Variants in SLC12A7 observed in about 807,000 individuals in gnomAD.
SLC12A7 encodes K-Cl cotransporter 4.
In SLC12A7, 100 loss-of-function variants were observed where a neutral mutation model predicts 120.6. The ratio of observed to expected loss-of-function variants is 0.83; its 90% CI spans 0.71 to 0.98. SLC12A7 has a LOEUF of 0.98. Among genes scored for constraint, SLC12A7 ranks in the 50% least tolerant of loss-of-function variants. SLC12A7 has a pLI of 0.00. For missense variants in SLC12A7, 1,373 were observed against 1,548.1 expected (o/e 0.89, Z 1.90); for synonymous variants, 760 against 678.0 (o/e 1.12, Z -1.88).
intron 8 of SLC12A7, 46 bp downstream of exon 8, chr5:1,083,699 T>C: frequency 1.3e-6 from 2 of 1,590,508 alleles, no homozygotes; most frequent in East Asian, 2.2e-5. Context: ...CAGCGCCTGC[T>C]GCCCCCGCCA....
At chr5:1,155,589 A>G in the SLC12A7 span, among the ~76,000 whole-genome samples, 1 of 150,952 alleles carries the variant, frequency 6.6e-6, no homozygotes, top group South Asian at 2.1e-4. Flanking sequence ...CCCCGGGCTG[A>G]CCGGGAGCCC....
chr5:1,088,917 G>A (rs1382349144), intron 4 of SLC12A7, 65 bp downstream of exon 4: 1 of 1,594,254 alleles, frequency 6.3e-7, no homozygotes, highest in Non-Finnish European at 8.6e-7. Context: ...GGCATCTGGG[G>A]AGAGCCCTAC....
intron 22 of SLC12A7, among the ~76,000 whole-genome samples, chr5:1,055,211 CTA>C (rs1735481864): frequency 6.6e-6 from 1 of 152,232 alleles, no homozygotes; most frequent in Non-Finnish European, 1.5e-5. Flanking sequence ...AGTGCATACA[CTA>C]TCATGTACAA....
At chr5:1,112,151 T>A (rs1743074007), upstream of SLC12A7, 1 of 903,462 alleles carries the variant, frequency 1.1e-6, no homozygotes, top group Non-Finnish European at 1.4e-6. Flanking sequence ...CCACGAAAAG[T>A]TGGCCCGCGG....
intron 23 of SLC12A7, among the ~76,000 whole-genome samples, chr5:1,053,010 G>A: frequency 6.6e-6 from 1 of 152,354 alleles, no homozygotes. Flanking sequence ...GCAGGGTGGG[G>A]CTGAGCCCCA....
the SLC12A7 span, among the ~76,000 whole-genome samples, chr5:1,126,278 AG>A: frequency 1.3e-5 from 2 of 152,104 alleles, no homozygotes; most frequent in African/African-American, 4.8e-5. Context: ...TAGTAGAGAC[AG>A]GGTTTCACCA....
intron 1 of SLC12A7, among the ~76,000 whole-genome samples, chr5:1,099,522 G>A (rs916085083): frequency 4.0e-5 from 6 of 151,510 alleles, no homozygotes; most frequent in Admixed American, 3.9e-4. Context: ...TCCTCAGCGG[G>A]TCAGAGGATT....
chr5:1,151,749 C>A, the SLC12A7 span, among the ~76,000 whole-genome samples: 1 of 152,118 alleles, frequency 6.6e-6, no homozygotes, highest in African/African-American at 2.4e-5. This position sits in a 1 kb window ranked among gnomAD's most constrained non-coding sequence, Gnocchi z 6.2. Context: ...AGCTTGTGCT[C>A]CCCCTCAGCT....
rs1261343057 is a variant in SLC12A7 at position 1,076,043 on chromosome 5, G to A, written c.1847+95C>T. The A allele has an allele frequency of 9.7e-6, 10 of 1,035,542 alleles. 1 individual carries two copies. Among genetic ancestry groups the A allele is most frequent in the African/African-American group, 1.6e-5 (1 of 62,346 alleles). The allele number at this position is 1,035,542 out of a possible 1,614,324, so 64.1% of individuals were successfully genotyped here. On this transcript the variant is annotated intron_variant, in intron 14 of 23. Coordinates refer to ENST00000264930, the MANE Select transcript of SLC12A7 (RefSeq NM_006598.3). ...GGCACCCAGTGTCCCAGCCTGTGGG[G>A]CTCCTGACGCCTGTGCTGAGCGGCC...
At chr5:1,125,268 A>AGT in the SLC12A7 span, among the ~76,000 whole-genome samples, 17,286 of 150,420 alleles carry the variant, frequency 0.11, 1,072 homozygotes, top group South Asian at 0.21. Flanking sequence ...TTTAAACGAA[A>AGT]GTGTGTGTGT....
intron 1 of SLC12A7, among the ~76,000 whole-genome samples, chr5:1,095,806 G>A (rs944719755): frequency 6.6e-6 from 1 of 152,222 alleles, no homozygotes; most frequent in Non-Finnish European, 1.5e-5. Flanking sequence ...AGAGGGCATC[G>A]CCGTCTGGGG....
Position 1,050,831 on chromosome 5 carries a change from ACT to A in SLC12A7, c.*1527_*1528del, listed in dbSNP as rs1418936340. On this transcript the variant is annotated 3_prime_UTR_variant, in exon 24 of 24. Transcript: ENST00000264930. ...GGACACGCTCTGGGCAGCAGCCGTCACTCTACAGCAATGCCAGCCCTAGTCTG... is the reference window on the plus strand; with the variant it reads ...GGACACGCTCTGGGCAGCAGCCGTCACTACAGCAATGCCAGCCCTAGTCTG... 10 of 398,554 alleles carry A rather than the reference ACT, an allele frequency of 2.5e-5. No homozygotes were observed. The East Asian group carries it at 3.6e-4, about 14-fold the overall frequency. 24.7% of individuals were successfully genotyped at this position (398,554 alleles called of 1,614,324 possible). A position where few individuals can be genotyped will look rare whatever the true frequency, so the allele number is the denominator to read the frequency against.
At position 1,088,409 on chromosome 5, in the gene SLC12A7, C is replaced by T. The variant is rs202105187; in HGVS notation, c.490-49G>A. ...TGAGGAGAGTTTTCCAACAGCCTGC[C>T]GGCATCGCAACACTCCCAAGTCAGG... On this transcript the variant is annotated intron_variant, in intron 4 of 23. Transcript: ENST00000264930. 92 of 1,541,224 alleles carry T rather than the reference C, an allele frequency of 6.0e-5. No homozygotes were observed. The East Asian group carries it at 2.0e-3, about 33-fold the overall frequency.
At chr5:1,116,510 C>T (rs1371669055), upstream of SLC12A7, among the ~76,000 whole-genome samples, 2 of 152,206 alleles carry the variant, frequency 1.3e-5, no homozygotes, top group Non-Finnish European at 2.9e-5. Flanking sequence ...CTGTAAGTGA[C>T]GCCAACAGAA....
At chr5:1,092,069 C>G (rs1275559601) in intron 3 of SLC12A7, among the ~76,000 whole-genome samples, 1 of 152,268 alleles carries the variant, frequency 6.6e-6, no homozygotes, top group Non-Finnish European at 1.5e-5. Flanking sequence ...CAGGCCCCAC[C>G]CCAAGGTGGT....
chr5:1,068,466 T>TA (rs1737288856), intron 17 of SLC12A7, among the ~76,000 whole-genome samples: 1 of 152,114 alleles, frequency 6.6e-6, no homozygotes, highest in African/African-American at 2.4e-5. Flanking sequence ...AACAAATAAA[T>TA]AAAAAAGATT....
At chr5:1,073,948 G>T in intron 16 of SLC12A7, 147 bp from the exon 17 acceptor site, 1 of 719,592 alleles carries the variant, frequency 1.4e-6, no homozygotes. Flanking sequence ...AAAAGGGGCA[G>T]GTGACAGATG....
At chr5:1,129,475 G>A in the SLC12A7 span, among the ~76,000 whole-genome samples, 1 of 152,012 alleles carries the variant, frequency 6.6e-6, no homozygotes, top group East Asian at 1.9e-4. Flanking sequence ...ACAGAACCAG[G>A]CGCCCTCCCC....
At chr5:1,122,606 G>C in the SLC12A7 span, among the ~76,000 whole-genome samples, 3 of 152,192 alleles carry the variant, frequency 2.0e-5, no homozygotes, top group Non-Finnish European at 4.4e-5. Context: ...CCAAACTGAA[G>C]GCCTCTCCCC....
Sources: gnomAD v4.1 joint callset for allele counts (sites outside exome capture counted in the v4.1 genomes callset) on GRCh38, gnomAD v4.1.1 for gene constraint, Gnocchi (gnomAD v3.1) non-coding constraint, MANE v1.5 for transcripts, NCBI Gene and HGNC (gene_info 2026-07-23, HGNC 2026-07-21) for gene names.